Variants in PANK1 observed in about 807,000 individuals in gnomAD.
The protein encoded by PANK1 is pantothenic acid kinase 1.
Under a neutral mutation model 40.1 loss-of-function variants are expected in PANK1, and 18 were observed. That is an observed-to-expected ratio of 0.45 (90% CI 0.31 to 0.67). The LOEUF (loss-of-function observed/expected upper bound fraction) is 0.67. Ranked by LOEUF, PANK1 falls within the 30% of genes least tolerant of loss-of-function variation. The pLI is 0.06. For missense variants in PANK1, 457 were observed against 599.6 expected (o/e 0.76, Z 2.48); for synonymous variants, 242 against 237.7 (o/e 1.02, Z -0.17).
intron 2 of PANK1, among the ~76,000 whole-genome samples, chr10:89,611,358 G>T (rs1316095016): frequency 6.6e-6 from 1 of 152,216 alleles, no homozygotes; most frequent in East Asian, 1.9e-4. Flanking sequence ...TATAGTAAAA[G>T]TCTGTGGTCA....
At chr10:89,602,056 C>T (rs1389885391) in intron 2 of PANK1, among the ~76,000 whole-genome samples, 1 of 152,176 alleles carries the variant, frequency 6.6e-6, no homozygotes, top group Non-Finnish European at 1.5e-5. Context: ...TGGATCACCC[C>T]AAACTGAAAA....
At chr10:89,636,848 G>A (rs1841832100) in intron 1 of PANK1, among the ~76,000 whole-genome samples, 2 of 149,998 alleles carry the variant, frequency 1.3e-5, no homozygotes, top group South Asian at 2.1e-4. Flanking sequence ...TGTGGCCTGA[G>A]CCACACCAGA....
At chr10:89,586,127 A>G (rs1844188554) in intron 6 of PANK1, among the ~76,000 whole-genome samples, 4 of 152,166 alleles carry the variant, frequency 2.6e-5, no homozygotes. Context: ...GTTATAGAAG[A>G]CTTTTTATCC....
intron 1 of PANK1, among the ~76,000 whole-genome samples, chr10:89,621,857 G>A (rs1163652371): frequency 2.6e-5 from 4 of 152,160 alleles, no homozygotes; most frequent in African/African-American, 9.7e-5. Flanking sequence ...GGGATTACAG[G>A]GGTGTGTCAC....
At position 89,644,999 on chromosome 10, in the gene PANK1, G is replaced by T; in HGVS notation, c.-108C>A. The T allele has an allele frequency of 1.3e-6, 2 of 1,569,962 alleles. No homozygotes were observed. Among genetic ancestry groups the T allele is most frequent in the Non-Finnish European group, 8.6e-7 (1 of 1,161,664 alleles). On this transcript the variant is annotated 5_prime_UTR_variant, in exon 1 of 7. It adds an upstream start codon to the 5' untranslated region. Coordinates refer to ENST00000307534, the MANE Select transcript of PANK1 (RefSeq NM_148977.3). ...GATCCTCCCTGCGGCTTCCGATTCA[G>T]CAGCCGCAGAGCCGGCGCCTGGGGA...
intron 1 of PANK1, among the ~76,000 whole-genome samples, chr10:89,634,096 G>A (rs1472912691): frequency 6.6e-6 from 1 of 152,182 alleles, no homozygotes; most frequent in Non-Finnish European, 1.5e-5. Context: ...AGAAGTTATA[G>A]GGAGACAGAT....
At chr10:89,616,570 G>A (rs1220801631) in intron 1 of PANK1, among the ~76,000 whole-genome samples, 7 of 152,074 alleles carry the variant, frequency 4.6e-5, no homozygotes, top group East Asian at 1.9e-4. Context: ...AGTGTACTAC[G>A]ACTATGCCTG....
rs901059413 is a variant in PANK1 at position 89,593,080 on chromosome 10, G to T, written c.1200+117C>A. 4.4e-5 allele frequency: 44 copies of T among 1,002,588 alleles called. 1 individual carries two copies. Among genetic ancestry groups the T allele is most frequent in the South Asian group, 2.5e-4 (17 of 67,424 alleles). The allele number at this position is 1,002,588 out of a possible 1,614,324, so 62.1% of individuals were successfully genotyped here. On this transcript the variant is annotated intron_variant, in intron 5 of 6. Coordinates refer to ENST00000307534, the MANE Select transcript of PANK1 (RefSeq NM_148977.3). ...CCTCCTGTTCTGTAAAGTGTGACTAGAGTAAAGGGAAGCTTTCCTAAGGAT... is the reference window on the plus strand; with the variant it reads ...CCTCCTGTTCTGTAAAGTGTGACTATAGTAAAGGGAAGCTTTCCTAAGGAT...
At position 89,643,934 on chromosome 10, in the gene PANK1, T is replaced by A. The variant is rs1842035458; in HGVS notation, c.292+666A>T. 3.8e-5 allele frequency: 46 copies of A among 1,207,194 alleles called. No homozygotes were observed. The South Asian group carries it at 1.0e-3, about 26-fold the overall frequency. 74.8% of individuals were successfully genotyped at this position (1,207,194 alleles called of 1,614,324 possible). ...ACAATTACAAACCCTCAACTCAACC[T>A]CCCCCTTCGTTGAAAAAAAAAATCC... On this transcript the variant is annotated intron_variant, in intron 1 of 6. Coordinates refer to ENST00000307534, the MANE Select transcript of PANK1 (RefSeq NM_148977.3).
intron 3 of PANK1, 119 bp downstream of exon 3, chr10:89,599,133 G>T: frequency 2.3e-6 from 2 of 866,222 alleles, no homozygotes; most frequent in Non-Finnish European, 3.6e-6. Context: ...ATTCTTTTTG[G>T]TTGGCCAAGG....
Position 89,603,887 on chromosome 10 carries a change from A to T in PANK1, c.646-4382T>A, listed in dbSNP as rs150409535. On this transcript the variant is annotated intron_variant, in intron 2 of 6. Coordinates refer to ENST00000307534, the MANE Select transcript of PANK1 (RefSeq NM_148977.3). ...AGAATGATAGTGTCTACCAAATCTT[A>T]TGCTCCTGCAATATCACAAATCAGT... Among the ~76,000 whole-genome samples the T allele has an allele frequency of 3.5e-4, 53 of 152,304 alleles. No individual in the cohort carries two copies. In the East Asian group the frequency reaches 8.7e-3, roughly 25 times the overall value.
At chr10:89,618,447 T>C (rs756531523) in intron 1 of PANK1, among the ~76,000 whole-genome samples, 9 of 152,206 alleles carry the variant, frequency 5.9e-5, no homozygotes, top group South Asian at 2.1e-4. Context: ...ACAGCCTAAA[T>C]TAGGCATCAT....
In PANK1 at chr10:89,599,379, C is replaced by T. The variant is rs1844706910; in HGVS notation, c.772G>A (p.Glu258Lys). Residue 258 changes from glutamate (E) to lysine (K), a missense_variant, in exon 3 of 7, where the codon GAA becomes AAA. Transcript: ENST00000307534. The part of the protein sequence containing the change: ...CYYFENPTNP[E>K]LCQKKPYCLD... Reference sequence around the variant, plus strand: ...CAGTACGGCTTTTTTTGACACAATTCAGGATTTGTGGGATTTTCAAAATAG... The same window carrying T: ...CAGTACGGCTTTTTTTGACACAATTTAGGATTTGTGGGATTTTCAAAATAG... The T allele has an allele frequency of 1.2e-6, 2 of 1,614,022 alleles. No individual in the cohort carries two copies.
rs781450193 is a variant in PANK1 at position 89,595,873 on chromosome 10, T to TATATATATAA, written c.900-1885_900-1884insTTATATATAT. On this transcript the variant is annotated intron_variant, in intron 3 of 6. Transcript: ENST00000307534. The stretch of plus-strand genomic sequence containing the variant: ...ATATATATATATATATATATATATA[T>TATATATATAA]AACTTCATTTACTAATATATATATG... Among the ~76,000 whole-genome samples, 495 of 81,240 alleles carry TATATATATAA rather than the reference T, an allele frequency of 6.1e-3. 31 individuals are homozygous for TATATATATAA. The highest frequency in any genetic ancestry group is 1.0e-2 in the African/African-American group (183 of 18,330). 53.3% of individuals were successfully genotyped at this position (81,240 alleles called of 152,430 possible).
intron 1 of PANK1, among the ~76,000 whole-genome samples, chr10:89,643,441 A>ACAAAT (rs1457800340): frequency 6.6e-6 from 1 of 152,248 alleles, no homozygotes; most frequent in East Asian, 1.9e-4. Context: ...CTACAAATTT[A>ACAAAT]ACATTTCAAA....
In PANK1 at chr10:89,584,991, A is replaced by G. The variant is rs187825816; in HGVS notation, c.1327-526T>C. 2.1e-4 allele frequency among the ~76,000 whole-genome samples: 32 copies of G among 152,326 alleles called. No homozygotes were observed. In the East Asian group the frequency reaches 5.0e-3, roughly 24 times the overall value. ...ACCATACGTCTATGAAAATGAAAGG[A>G]ACTAAAAAATATAAATTTTTAGAGA... On this transcript the variant is annotated intron_variant, in intron 6 of 6. Coordinates refer to ENST00000307534, the MANE Select transcript of PANK1 (RefSeq NM_148977.3).
At position 89,584,439 on chromosome 10, in the gene PANK1, C is replaced by A. The variant is rs768411508; in HGVS notation, c.1353G>T (p.Leu451=). Residue 451 remains leucine (L), a synonymous_variant, in exon 7 of 7, where the codon CTG becomes CTT. Coordinates refer to ENST00000307534, the MANE Select transcript of PANK1 (RefSeq NM_148977.3). ...CATCAGTCATTTTGAACAGTTCCAA[C>A]AGTGCCCCAACGGCTCCAAAATAAC... ...HEGYFGAVGA[L]LELFKMTDDK The A allele has an allele frequency of 2.5e-6, 4 of 1,609,388 alleles. No individual in the cohort carries two copies. Among genetic ancestry groups the A allele is most frequent in the Non-Finnish European group, 3.4e-6 (4 of 1,175,818 alleles).
At chr10:89,631,976 G>GT (rs68094860) in intron 1 of PANK1, among the ~76,000 whole-genome samples, 14,006 of 143,222 alleles carry the variant, frequency 0.098, 1,636 homozygotes, top group African/African-American at 0.28. Context: ...GTGTGTGTGT[G>GT]TTTTTTTTTT....
intron 2 of PANK1, among the ~76,000 whole-genome samples, chr10:89,602,239 A>AT (rs1471860338): frequency 6.6e-6 from 1 of 152,244 alleles, no homozygotes; most frequent in African/African-American, 2.4e-5. Context: ...GCCAAGGCAA[A>AT]TAATCTACGT....
Sources: gnomAD v4.1 joint callset for allele counts (sites outside exome capture counted in the v4.1 genomes callset) on GRCh38, gnomAD v4.1.1 for gene constraint, MANE v1.5 for transcripts, NCBI Gene and HGNC (gene_info 2026-07-23, HGNC 2026-07-21) for gene names.